Variants in INF2 observed in about 807,000 individuals in gnomAD.
INF2 encodes the protein inverted formin-2.
INF2 carries 43 observed loss-of-function variants against 123.5 expected under a neutral mutation model. That is an observed-to-expected ratio of 0.35 (90% confidence interval 0.27 to 0.45). The LOEUF (loss-of-function observed/expected upper bound fraction) is 0.45, where lower values mean the gene tolerates loss of function less well. INF2 is among the 20% of genes least tolerant of loss of function. The pLI is 1.00. For missense variants in INF2, 1,453 were observed against 1,682.7 expected (o/e 0.86, Z 2.39); for synonymous variants, 851 against 745.0 (o/e 1.14, Z -2.32).
intron 2 of INF2, 136 bp from the exon 3 acceptor site, chr14:104,702,969 C>G (rs1889598951): frequency 1.4e-6 from 1 of 735,396 alleles, no homozygotes; most frequent in African/African-American, 1.7e-5. Flanking sequence ...CAGCCCACTG[C>G]TGTGGGCCAC....
At chr14:104,713,157 C>A in intron 18 of INF2, 50 bp from the exon 19 acceptor site, 1 of 1,583,356 alleles carries the variant, frequency 6.3e-7, no homozygotes, top group Non-Finnish European at 8.6e-7. Flanking sequence ...GCCCATGGAG[C>A]CCCTGAGGGA....
chr14:104,694,377 G>A (rs952537513), intron 1 of INF2, among the ~76,000 whole-genome samples: 2 of 152,348 alleles, frequency 1.3e-5, no homozygotes, highest in South Asian at 2.1e-4. Context: ...GGGCCTGACG[G>A]GCTCCCTGGC....
intron 22 of INF2, chr14:104,715,789 C>CT (rs1566787292): frequency 6.3e-6 from 3 of 473,044 alleles, no homozygotes; most frequent in African/African-American, 2.0e-5. Context: ...TATCTTCACT[C>CT]TAAGTGTGTC....
At chr14:104,709,149 C>T in intron 10 of INF2, 132 bp from the exon 11 acceptor site, 2 of 690,052 alleles carry the variant, frequency 2.9e-6, no homozygotes, top group South Asian at 3.3e-5. Context: ...AACAACTCGA[C>T]TGTTCTGTGT....
intron 1 of INF2, among the ~76,000 whole-genome samples, chr14:104,698,431 G>C (rs914426178): frequency 6.6e-6 from 1 of 152,362 alleles, no homozygotes; most frequent in African/African-American, 2.4e-5. Flanking sequence ...ACAGGCGGGC[G>C]GGGGAGTGGG....
At chr14:104,708,925 C>T (rs867296794) in intron 10 of INF2, among the ~76,000 whole-genome samples, 193 bp downstream of exon 10, 78 of 152,182 alleles carry the variant, frequency 5.1e-4, no homozygotes, top group African/African-American at 1.8e-3. Context: ...AGGGACAGAG[C>T]GCTGGGACCT....
chr14:104,706,006 G>A (rs1447505360), intron 5 of INF2, 29 bp from the exon 6 acceptor site: 3 of 1,602,218 alleles, frequency 1.9e-6, no homozygotes, highest in African/African-American at 2.7e-5. Flanking sequence ...GCAGCAGCAG[G>A]CTTAGCCCAC....
intron 13 of INF2, chr14:104,710,620 CAT>C: frequency 1.9e-6 from 1 of 525,888 alleles, no homozygotes; most frequent in Non-Finnish European, 3.4e-6. Context: ...CATGTACAGA[CAT>C]AAGTGCACAC....
At chr14:104,691,965 G>C (rs536810192) in intron 1 of INF2, among the ~76,000 whole-genome samples, 1 of 152,140 alleles carries the variant, frequency 6.6e-6, no homozygotes, top group Non-Finnish European at 1.5e-5. Flanking sequence ...GGGCAGACCG[G>C]TGGTGCCTGT....
At chr14:104,708,608 C>T in intron 9 of INF2, 21 bp downstream of exon 9, 1 of 1,612,656 alleles carries the variant, frequency 6.2e-7, no homozygotes, top group Non-Finnish European at 8.5e-7. Flanking sequence ...GGAGGGGACT[C>T]AGACCGGGGC....
Position 104,699,556 on chromosome 14 carries a change from A to T in INF2, c.-9-1801A>T. On this transcript the variant is annotated intron_variant, in intron 1 of 22. Transcript: ENST00000392634. The surrounding 1 kb of genome is among the most constrained non-coding windows in gnomAD (Gnocchi z 4.7). ...TGAGGAGCAGCCCAGGACAGGGCCC[A>T]GAGTGGGTGGGCAGAGGTGGCCGGA... 1.0e-6 allele frequency: 1 copy of T among 984,956 alleles called. No homozygotes were observed. Among genetic ancestry groups the T allele is most frequent in the Non-Finnish European group, 1.2e-6 (1 of 829,810 alleles). The allele number at this position is 984,956 out of a possible 1,614,324, so 61.0% of individuals were successfully genotyped here.
chr14:104,681,560 T>C, exon 1 of INF2: 1 of 1,289,084 alleles, frequency 7.8e-7, no homozygotes, highest in Non-Finnish European at 1.0e-6. Flanking sequence ...GGATTTCCAC[T>C]TCAATTGGAA....
rs1889516237 is a variant in INF2 at position 104,701,767 on chromosome 14, G to T, written c.391+11G>T. The T allele has an allele frequency of 2.7e-6, 4 of 1,484,784 alleles. No homozygotes were observed. The highest frequency in any genetic ancestry group is 2.7e-6 in the Non-Finnish European group (3 of 1,117,676). The allele number at this position is 1,484,784 out of a possible 1,614,324, so 92.0% of individuals were successfully genotyped here. A position where few individuals can be genotyped will look rare whatever the true frequency, so the allele number is the denominator to read the frequency against. The stretch of plus-strand genomic sequence containing the variant: ...GCCAGCTCTCCCAGGGTGAGCCGCA[G>T]TGTGGGAGGGCCGCCCAGGCGGACG... On this transcript the variant is annotated intron_variant, in intron 2 of 22. Coordinates refer to ENST00000392634, the MANE Select transcript of INF2 (RefSeq NM_022489.4).
intron 17 of INF2, 63 bp from the exon 18 acceptor site, chr14:104,712,765 G>A: frequency 6.5e-7 from 1 of 1,527,370 alleles, no homozygotes; most frequent in Admixed American, 2.0e-5. Context: ...GCAACTCAGG[G>A]CCTCACCCCG....
Position 104,709,937 on chromosome 14 carries a change from G to A in INF2, c.2139-151G>A, listed in dbSNP as rs577606419. ...CTGGAGGAATTGGATCCTGCTCTGC[G>A]CAGGCCCGGGAGGGTGCCTGTTGGA... On this transcript the variant is annotated intron_variant, in intron 12 of 22. Transcript: ENST00000392634. The A allele has an allele frequency of 7.4e-4, 567 of 768,122 alleles. 2 individuals are homozygous for A. Among genetic ancestry groups the A allele is most frequent in the Middle Eastern group, 2.1e-3 (7 of 3,392 alleles). The allele number at this position is 768,122 out of a possible 1,614,324, so 47.6% of individuals were successfully genotyped here.
chr14:104,681,679 G>A, intron 1 of INF2: 3 of 1,051,052 alleles, frequency 2.9e-6, no homozygotes, highest in Non-Finnish European at 3.9e-6. Context: ...GAGTGCAGGA[G>A]GCACAGGCCC....
intron 5 of INF2, chr14:104,704,787 A>G (rs1429371831): frequency 6.6e-6 from 1 of 152,220 alleles, no homozygotes; most frequent in Non-Finnish European, 1.5e-5. Flanking sequence ...CGAGTCTAAA[A>G]TAAAAATTTT....
chr14:104,701,215 AC>A (rs941607419), intron 1 of INF2, 141 bp from the exon 2 acceptor site: 38 of 965,704 alleles, frequency 3.9e-5, no homozygotes, highest in Non-Finnish European at 5.6e-5. Flanking sequence ...ACACAGTGCT[AC>A]CCCTAACCCT....
intron 1 of INF2, among the ~76,000 whole-genome samples, chr14:104,695,576 G>A (rs1212576291): frequency 6.6e-6 from 1 of 152,030 alleles, no homozygotes; most frequent in African/African-American, 2.4e-5. Context: ...GGCTGCGCTT[G>A]CCGACTCTCC....
Sources: allele counts gnomAD v4.1 joint callset (sites outside exome capture counted in the v4.1 genomes callset), GRCh38; gene constraint gnomAD v4.1.1; non-coding constraint Gnocchi (gnomAD v3.1); transcripts MANE v1.5; gene names NCBI Gene and HGNC (gene_info 2026-07-23, HGNC 2026-07-21).